The following INTS11 variants were observed in gnomAD, a reference collection of about 807,000 sequenced individuals.
The protein encoded by INTS11 is CPSF3-like protein.
Under a neutral mutation model 78.6 loss-of-function variants are expected in INTS11, and 77 were observed. The ratio of observed to expected loss-of-function variants is 0.98; its 90% CI spans 0.81 to 1.18. The LOEUF (loss-of-function observed/expected upper bound fraction) is 1.18, where lower values mean the gene tolerates loss of function less well. Among genes scored for constraint, INTS11 ranks in the 50% most tolerant of loss-of-function variants. INTS11 has a pLI of 0.00. For missense variants in INTS11, 875 were observed against 825.9 expected, an observed-to-expected ratio of 1.06 and a Z score of -0.73; for synonymous variants, 441 against 326.9, an observed-to-expected ratio of 1.35 and a Z score of -3.77.
chr1:1,316,636 T>G (rs1642626405), intron 4 of INTS11: 1 of 151,876 alleles, frequency 6.6e-6, no homozygotes, highest in Non-Finnish European at 1.5e-5. Context: ...TTTATTCATT[T>G]AAAACTTGCC....
At chr1:1,316,019 A>C in intron 4 of INTS11, 1 of 262,504 alleles carries the variant, frequency 3.8e-6, no homozygotes, top group Non-Finnish European at 7.4e-6. Context: ...TGACAGAGAA[A>C]AGACAAGGTT....
chr1:1,314,120 C>G lies in INTS11; in HGVS notation c.767+181G>C. ...ACCAGGAACCCCTACAAGAGCCGCA[C>G]ACGGTGGCGCTGACGGGATGTCACA... is the stretch of plus-strand genomic sequence containing the variant. On this transcript the variant is annotated intron_variant, in intron 8 of 16. Transcript: ENST00000435064. This position sits in a 1 kb window ranked among gnomAD's most constrained non-coding sequence, Gnocchi z 4.2. The G allele has an allele frequency of 1.3e-6, 1 of 761,476 alleles. No individual in the cohort carries two copies. The highest frequency in any genetic ancestry group is 2.2e-6 in the Non-Finnish European group (1 of 456,114). 47.2% of individuals were successfully genotyped at this position (761,476 alleles called of 1,614,324 possible). A position where few individuals can be genotyped will look rare whatever the true frequency, so the allele number is the denominator to read the frequency against.
Position 1,315,598 on chromosome 1 carries a change from G to C in INTS11, c.450C>G (p.Ile150Met). Residue 150 changes from isoleucine to methionine, a missense_variant, in exon 5 of 17, where the codon ATC (isoleucine) becomes ATG (methionine). Physicochemically the swap from Ile to Met is conservative, Grantham distance 10. Transcript: ENST00000435064. ...GCACGTGGCCTGCATAGTAGGCCTT[G>C]ATCTCCAGCTCATCATCTACCTGTG... ...QTVQVDDELE[I>M]KAYYAGHVLG... The C allele has an allele frequency of 6.2e-7, 1 of 1,608,400 alleles. No homozygotes were observed. Among genetic ancestry groups the C allele is most frequent in the Non-Finnish European group, 8.5e-7 (1 of 1,177,554 alleles).
At position 1,314,875 on chromosome 1, in the gene INTS11, C is replaced by T. The variant is rs146701215; in HGVS notation, c.651G>A (p.Arg217=). The part of the protein sequence containing the change: ...ATTIRDSKRC[R]ERDFLKKVHE... ...GGACTTTCTTCAGGAAGTCTCGCTC[C>T]CGGCAGCGCTTGGAGTCACGGATGG... Residue 217 remains arginine, a synonymous_variant, in exon 7 of 17, where the codon CGG becomes CGA. Transcript: ENST00000435064. The surrounding 1 kb of genome is among the most constrained non-coding windows in gnomAD (Gnocchi z 4.2). The T allele has an allele frequency of 1.9e-6, 3 of 1,612,938 alleles. No individual in the cohort carries two copies. Among genetic ancestry groups the T allele is most frequent in the African/African-American group, 1.3e-5 (1 of 74,920 alleles).
Position 1,324,351 on chromosome 1 carries a change from T to G in INTS11, c.28+230A>C, listed in dbSNP as rs528336350. On this transcript the variant is annotated intron_variant, in intron 1 of 16. Transcript: ENST00000435064. Reference sequence around the variant, plus strand: ...CCGCGGCCCCATCTGCGACGTCCCCTCACGGCCGCCTGAACCTCGGGGCTC... The same window carrying G: ...CCGCGGCCCCATCTGCGACGTCCCCGCACGGCCGCCTGAACCTCGGGGCTC... 3.3e-3 allele frequency among the ~76,000 whole-genome samples: 502 copies of G among 152,174 alleles called. 2 individuals are homozygous for G. The highest frequency in any genetic ancestry group is 6.8e-3 in the Middle Eastern group (2 of 292).
In INTS11 at chr1:1,323,284, G is replaced by A. The variant is rs769899159; in HGVS notation, c.28+1297C>T. 10 of 1,549,334 alleles carry A rather than the reference G, an allele frequency of 6.5e-6. No individual in the cohort carries two copies. In the African/African-American group the frequency reaches 1.2e-4, roughly 19 times the overall value. On this transcript the variant is annotated intron_variant, in intron 1 of 16. Transcript: ENST00000435064. ...CAGGTTCCAGGACAGCACAGGGCAG[G>A]CACCTGTGGAAAACGCTAAGGACAT...
chr1:1,314,989 C>T lies in INTS11; in HGVS notation c.564-27G>A. Reference sequence around the variant, plus strand: ...TGGAACACGGGGGTGGGGGTGTGAGCCACGATGCACTGTCCCCACGGTTGC... The same window carrying T: ...TGGAACACGGGGGTGGGGGTGTGAGTCACGATGCACTGTCCCCACGGTTGC... On this transcript the variant is annotated intron_variant, in intron 6 of 16. Coordinates refer to ENST00000435064, the MANE Select transcript of INTS11 (RefSeq NM_017871.6). The surrounding 1 kb of genome is among the most constrained non-coding windows in gnomAD (Gnocchi z 4.2). 1.2e-6 allele frequency: 2 copies of T among 1,607,120 alleles called. No individual in the cohort carries two copies. The highest frequency in any genetic ancestry group is 1.7e-6 in the Non-Finnish European group (2 of 1,175,340).
At chr1:1,315,296 TG>T in intron 6 of INTS11, 107 bp downstream of exon 6, 2 of 1,357,162 alleles carry the variant, frequency 1.5e-6, no homozygotes, top group Non-Finnish European at 2.1e-6. Context: ...GCACAGGACA[TG>T]GGAGACACTG....
Position 1,320,834 on chromosome 1 carries a change from C to G in INTS11, c.126+162G>C, listed in dbSNP as rs751904786. On this transcript the variant is annotated intron_variant, in intron 2 of 16. Coordinates refer to ENST00000435064, the MANE Select transcript of INTS11 (RefSeq NM_017871.6). The stretch of plus-strand genomic sequence containing the variant: ...ACAGGGGGACCCCACCATGCAGGGG[C>G]TCACCTCGGCCAGGCCCACCCATCC... The G allele has an allele frequency of 1.2e-5, 9 of 770,498 alleles. No individual in the cohort carries two copies. The African/African-American group carries it at 1.5e-4, about 13-fold the overall frequency. The allele number at this position is 770,498 out of a possible 1,614,324, so 47.7% of individuals were successfully genotyped here.
chr1:1,318,116 T>C (rs1274587481), intron 4 of INTS11, among the ~76,000 whole-genome samples: 4 of 152,064 alleles, frequency 2.6e-5, no homozygotes, highest in Admixed American at 6.6e-5. Context: ...GTGATCCGCC[T>C]GTCTCGGCCT....
rs1176782006 is a variant in INTS11 at position 1,315,389 on chromosome 1, C to A, written c.563+15G>T. ...GGGGGGCCCACGGGACAAAAAGACA[C>A]CTCAGCCTACTTACCCTAAGTGTCG... On this transcript the variant is annotated intron_variant, in intron 6 of 16. Coordinates refer to ENST00000435064, the MANE Select transcript of INTS11 (RefSeq NM_017871.6). 1 of 1,613,346 alleles carries A rather than the reference C, an allele frequency of 6.2e-7. No homozygotes were observed. Among genetic ancestry groups the A allele is most frequent in the South Asian group, 1.1e-5 (1 of 91,070 alleles).
intron 1 of INTS11, among the ~76,000 whole-genome samples, chr1:1,321,315 G>A (rs533678270): frequency 1.3e-5 from 2 of 152,278 alleles, no homozygotes; most frequent in African/African-American, 4.8e-5. Context: ...CAGCCCACAC[G>A]CCCTCCCCCG....
intron 4 of INTS11, 67 bp downstream of exon 4, chr1:1,319,229 G>A (rs766691612): frequency 1.4e-5 from 18 of 1,322,870 alleles, no homozygotes; most frequent in Non-Finnish European, 1.4e-5. Context: ...TGTGTAGAAC[G>A]GGCGGAGGGC....
Position 1,315,395 on chromosome 1 carries a change from C to T in INTS11, c.563+9G>A, listed in dbSNP as rs1250930405. 9.9e-6 allele frequency: 16 copies of T among 1,613,254 alleles called. No individual in the cohort carries two copies. Among genetic ancestry groups the T allele is most frequent in the African/African-American group, 2.7e-5 (2 of 74,828 alleles). On this transcript the variant is annotated intron_variant, in intron 6 of 16. Coordinates refer to ENST00000435064, the MANE Select transcript of INTS11 (RefSeq NM_017871.6). ...CCCACGGGACAAAAAGACACCTCAG[C>T]CTACTTACCCTAAGTGTCGGTCTGG... is the stretch of plus-strand genomic sequence containing the variant.
In INTS11 at chr1:1,315,578, T is replaced by A. The variant is rs780534264; in HGVS notation, c.470A>T (p.His157Leu). Reference sequence around the variant, plus strand: ...CTGGAACATGGCTGCCCCCAGCACGTGGCCTGCATAGTAGGCCTTGATCTC... The same window carrying A: ...CTGGAACATGGCTGCCCCCAGCACGAGGCCTGCATAGTAGGCCTTGATCTC... ...ELEIKAYYAG[H>L]VLGAAMFQIK... The change falls in exon 5 of 17, where the codon CAC (histidine) becomes CTC (leucine). Residue 157 changes from histidine to leucine, a missense_variant. Coordinates refer to ENST00000435064, the MANE Select transcript of INTS11 (RefSeq NM_017871.6). 1 of 1,611,804 alleles carries A rather than the reference T, an allele frequency of 6.2e-7. No individual in the cohort carries two copies. The highest frequency in any genetic ancestry group is 1.7e-5 in the Admixed American group (1 of 59,794).
intron 1 of INTS11, chr1:1,322,842 A>C: frequency 9.3e-7 from 1 of 1,073,304 alleles, no homozygotes; most frequent in Non-Finnish European, 1.2e-6. Context: ...AGCCCGAGGC[A>C]GTCCCTGGTG....
At chr1:1,320,058 C>CA (rs1642853984) in intron 3 of INTS11, 1 of 224,604 alleles carries the variant, frequency 4.5e-6, no homozygotes, top group Non-Finnish European at 8.9e-6. Context: ...AGGGGGCCAG[C>CA]AGGAGTGCTG....
intron 3 of INTS11, chr1:1,319,802 G>A: frequency 2.3e-6 from 1 of 441,108 alleles, no homozygotes; most frequent in Non-Finnish European, 4.1e-6. Flanking sequence ...GCGCATAGGG[G>A]AGCCGCTGGC....
chr1:1,319,223 T>C, intron 4 of INTS11, 73 bp downstream of exon 4: 1 of 1,296,204 alleles, frequency 7.7e-7, no homozygotes, highest in African/African-American at 1.4e-5. Context: ...AGAAACTGTG[T>C]AGAACGGGCG....
Sources: gnomAD v4.1 joint callset for allele counts (sites outside exome capture counted in the v4.1 genomes callset) on GRCh38, gnomAD v4.1.1 for gene constraint, Gnocchi (gnomAD v3.1) non-coding constraint, MANE v1.5 for transcripts, NCBI Gene and HGNC (gene_info 2026-07-23, HGNC 2026-07-21) for gene names.